Variants in TTN observed in about 807,000 individuals in gnomAD.
TTN encodes the protein titin, also known as connectin.
TTN carries 1,525 observed loss-of-function variants against 3,223.0 expected under a neutral mutation model. The ratio of observed to expected loss-of-function variants is 0.47; its 90% CI spans 0.45 to 0.49. TTN has a LOEUF of 0.49. Among genes scored for constraint, TTN ranks in the 20% least tolerant of loss-of-function variants. The pLI is 0.00. For synonymous variants in TTN, 14,094 were observed against 15,161.0 expected (o/e 0.93, Z 5.17); for missense variants, 40,786 against 43,424.0 (o/e 0.94, Z 5.40).
chr2:178,562,707 T>C lies in TTN; in HGVS notation c.83425A>G (p.Thr27809Ala). The C allele has an allele frequency of 6.3e-7, 1 of 1,596,230 alleles. No individual in the cohort carries two copies. The highest frequency in any genetic ancestry group is 8.5e-7 in the Non-Finnish European group (1 of 1,172,548). ...GTAATGGTAGCATAGGCTTTTCTTG[T>C]AGTTTCTCGTTTTTCGACAATGTAG... Reference protein sequence around the residue: ...TNYIVEKRETTRKAYATITNN... With the variant: ...TNYIVEKRETARKAYATITNN... The change falls in exon 326 of 363, where the codon ACA becomes GCA. Residue 27809 changes from threonine to alanine, a missense_variant. By Grantham distance (58) the Thr-to-Ala change is moderately conservative. Transcript: ENST00000589042.
rs2154263284 is a variant in TTN at position 178,669,443 on chromosome 2, A to C, written c.35475T>G (p.Pro11825=). The C allele has an allele frequency of 1.0e-5, 16 of 1,538,608 alleles. No individual in the cohort carries two copies. Among genetic ancestry groups the C allele is most frequent in the Non-Finnish European group, 1.4e-5 (16 of 1,154,354 alleles). The change falls in exon 159 of 363, where the codon CCT becomes CCG. Residue 11825 remains proline, a synonymous_variant. Transcript: ENST00000589042. ...KKPEVPPAKV[P]GMPKKSVQEE... is the part of the protein sequence containing the mutation. ...CTTGAACACTTTTCTTAGGCATCCC[A>C]GGAACTTTAAAGATATTAGTATATT...
rs267599058 is a variant in TTN, at chr2:178,712,926, C to T, written c.27099G>A (p.Gly9033=). 6.2e-7 allele frequency: 1 copy of T among 1,612,906 alleles called. No homozygotes were observed. The highest frequency in any genetic ancestry group is 8.5e-7 in the Non-Finnish European group (1 of 1,179,432). The change falls in exon 94 of 363, where the codon GGG becomes GGA. Residue 9033 remains glycine (G), a synonymous_variant. Coordinates refer to ENST00000589042, the MANE Select transcript of TTN (RefSeq NM_001267550.2). The stretch of plus-strand genomic sequence containing the variant: ...CGATACTTGTGAAAGTTACATTGGT[C>T]CCAGTTAAAACATCCATGGGATCAG... ...QKPDPMDVLT[G]TNVTFTSIVK... is the part of the protein sequence containing the mutation.
chr2:178,529,729 T>C (rs538760141), intron 359 of TTN, among the ~76,000 whole-genome samples: 1 of 152,380 alleles, frequency 6.6e-6, no homozygotes, highest in East Asian at 1.9e-4. Context: ...TGGAATCTTA[T>C]ATAATACCAC....
intron 106 of TTN, 49 bp downstream of exon 106, chr2:178,704,098 G>A: frequency 6.3e-7 from 1 of 1,586,618 alleles, no homozygotes; most frequent in Non-Finnish European, 8.6e-7. Context: ...CACAACATTT[G>A]CCATTGACCT....
Position 178,531,909 on chromosome 2 carries a change from A to C in TTN, c.104706T>G (p.Ser34902=). The change falls in exon 358 of 363, where the codon TCT becomes TCG. Residue 34902 remains serine (S), a synonymous_variant. Transcript: ENST00000589042. The part of the protein sequence containing the change: ...SERSLSRFER[S]ARFDIFSRYE... Reference sequence around the variant, plus strand: ...ACCTGGAAAAGATATCAAATCTTGCAGACCTCTCAAATCTCGAGAGTGATC... The same window carrying C: ...ACCTGGAAAAGATATCAAATCTTGCCGACCTCTCAAATCTCGAGAGTGATC... 10 of 1,612,814 alleles carry C rather than the reference A, an allele frequency of 6.2e-6. No individual in the cohort carries two copies. Among genetic ancestry groups the C allele is most frequent in the African/African-American group, 1.3e-5 (1 of 75,046 alleles).
chr2:178,682,147 T>C (rs983768650), intron 135 of TTN, among the ~76,000 whole-genome samples: 2 of 152,010 alleles, frequency 1.3e-5, no homozygotes, highest in African/African-American at 4.8e-5. Flanking sequence ...AAATAAACAA[T>C]TTGAAGCCCA....
At chr2:178,669,255 G>A in intron 159 of TTN, 118 bp downstream of exon 159, 2 of 736,730 alleles carry the variant, frequency 2.7e-6, no homozygotes, top group South Asian at 1.9e-5. Flanking sequence ...TATATTTGTG[G>A]CATGTTAGGC....
intron 15 of TTN, 113 bp from the exon 16 acceptor site, chr2:178,784,464 T>A: frequency 8.0e-7 from 1 of 1,252,556 alleles, no homozygotes; most frequent in Non-Finnish European, 1.1e-6. Context: ...AATGTTCTCA[T>A]TAGCACTCAT....
chr2:178,622,944 A>G (rs1337848702), intron 242 of TTN, among the ~76,000 whole-genome samples, 177 bp from the exon 243 acceptor site: 1 of 151,876 alleles, frequency 6.6e-6, no homozygotes, highest in Non-Finnish European at 1.5e-5. Context: ...TGCTTTTTAG[A>G]TATCTCTTTA....
At chr2:178,703,714 CAT>C (rs2075382814) in intron 106 of TTN, among the ~76,000 whole-genome samples, 1 of 152,294 alleles carries the variant, frequency 6.6e-6, no homozygotes, top group South Asian at 2.1e-4. Flanking sequence ...GCTAATTGCA[CAT>C]GACATGTTTA....
chr2:178,579,554 G>T lies in TTN; in HGVS notation c.67636+7C>A. ...GGAAAAATGAAGATGTGTGCATAGA[G>T]CCTTACCAACATCATCCCTTGCCAC... On this transcript the variant is annotated splice_region_variant and intron_variant, in intron 319 of 362. Transcript: ENST00000589042. The T allele has an allele frequency of 6.2e-7, 1 of 1,612,826 alleles. No individual in the cohort carries two copies. The highest frequency in any genetic ancestry group is 8.5e-7 in the Non-Finnish European group (1 of 1,179,434).
intron 99 of TTN, among the ~76,000 whole-genome samples, chr2:178,708,309 A>G (rs765840702): frequency 3.9e-5 from 6 of 152,216 alleles, no homozygotes; most frequent in Non-Finnish European, 4.4e-5. Context: ...GTTCATCTTT[A>G]GCTATTAAAT....
At position 178,651,550 on chromosome 2, in the gene TTN, T is replaced by C; in HGVS notation, c.39464-14A>G. 4 of 1,612,556 alleles carry C rather than the reference T, an allele frequency of 2.5e-6. No individual in the cohort carries two copies. The highest frequency in any genetic ancestry group is 3.4e-6 in the Non-Finnish European group (4 of 1,179,348). On this transcript the variant is annotated splice_polypyrimidine_tract_variant and intron_variant, in intron 206 of 362. Transcript: ENST00000589042. The stretch of plus-strand genomic sequence containing the variant: ...GCACCTCGGGCACTATAAAAGATAT[T>C]AGTAGTTGTTTAAGCTCATGGTTTC...
rs1178126114 is a variant in TTN at position 178,599,193 on chromosome 2, A to G, written c.56600T>C (p.Ile18867Thr). The G allele has an allele frequency of 6.6e-7, 1 of 1,513,136 alleles. No individual in the cohort carries two copies. Among genetic ancestry groups the G allele is most frequent in the East Asian group, 2.3e-5 (1 of 43,384 alleles). The allele number at this position is 1,513,136 out of a possible 1,614,324, so 93.7% of individuals were successfully genotyped here. A position where few individuals can be genotyped will look rare whatever the true frequency, so the allele number is the denominator to read the frequency against. The change falls in exon 290 of 363, where the codon ATT becomes ACT. Residue 18867 changes from isoleucine (I) to threonine (T), a missense_variant. Ile to Thr is a moderately conservative substitution (Grantham distance 89, BLOSUM62 -1). Transcript: ENST00000589042. ...AGGTTCACTGTCAAGAGGTTCTCCA[A>G]TGCCATATTTATTCTGGGCCATGAT... ...FRIMAQNKYGIGEPLDSEPET... is the reference protein window; with the variant it reads ...FRIMAQNKYGTGEPLDSEPET...
chr2:178,630,148 T>G, intron 239 of TTN, 93 bp downstream of exon 239: 2 of 1,551,882 alleles, frequency 1.3e-6, no homozygotes, highest in South Asian at 2.3e-5. Flanking sequence ...AATAATATTT[T>G]CTAACTAATA....
chr2:178,769,070 G>T, intron 37 of TTN, 137 bp from the exon 38 acceptor site: 1 of 982,760 alleles, frequency 1.0e-6, no homozygotes, highest in Non-Finnish European at 1.5e-6. Flanking sequence ...TATAAGCTTT[G>T]ATACCTTCCA....
chr2:178,582,940 C>T lies in TTN; in HGVS notation c.65863G>A (p.Asp21955Asn), dbSNP rs1428859947. 3 of 1,499,176 alleles carry T rather than the reference C, an allele frequency of 2.0e-6. No individual in the cohort carries two copies. The highest frequency in any genetic ancestry group is 2.7e-6 in the Non-Finnish European group (3 of 1,123,354). The allele number at this position is 1,499,176 out of a possible 1,614,324, so 92.9% of individuals were successfully genotyped here. A position where few individuals can be genotyped will look rare whatever the true frequency, so the allele number is the denominator to read the frequency against. Residue 21955 changes from aspartate (D) to asparagine (N), a missense_variant and splice_region_variant, in exon 313 of 363, where the codon GAT becomes AAT. Transcript: ENST00000589042. The part of the protein sequence containing the change: ...KSATIKLKVL[D>N]KPGPPASVKI... ...GATTCCAATGAAGTTTATTAGTTAC[C>T]TAACACTTTAAGCTTAATGGTGGCT...
Position 178,566,689 on chromosome 2 carries a change from G to A in TTN, c.79443C>T (p.Ala26481=), listed in dbSNP as rs1280023882. 3.1e-6 allele frequency: 5 copies of A among 1,613,176 alleles called. No individual in the cohort carries two copies. The highest frequency in any genetic ancestry group is 4.2e-6 in the Non-Finnish European group (5 of 1,179,676). Residue 26481 remains alanine, a synonymous_variant, in exon 326 of 363, where the codon GCC becomes GCT. Transcript: ENST00000589042. ...EPSPATVYYK[A]CDPVFKPGPP... Reference sequence around the variant, plus strand: ...GGCCAGGTTTGAACACAGGATCACAGGCTTTATAATAAACTGTAGCTGGAC... The same window carrying A: ...GGCCAGGTTTGAACACAGGATCACAAGCTTTATAATAAACTGTAGCTGGAC...
Position 178,528,333 on chromosome 2 carries a change from G to T in TTN, c.107318C>A (p.Thr35773Lys). The T allele has an allele frequency of 1.2e-6, 2 of 1,613,956 alleles. No homozygotes were observed. Among genetic ancestry groups the T allele is most frequent in the Non-Finnish European group, 1.7e-6 (2 of 1,179,848 alleles). The change falls in exon 361 of 363, where the codon ACA (threonine) becomes AAA (lysine). Residue 35773 changes from threonine (T) to lysine (K), a missense_variant. Coordinates refer to ENST00000589042, the MANE Select transcript of TTN (RefSeq NM_001267550.2). ...NASVSDSGKY[T>K]IKAKNFRGQC... ...GCCACGGAAATTTTTGGCCTTAATT[G>T]TGTACTTTCCACTGTCGCTGACTGA...
Sources: allele counts gnomAD v4.1 joint callset (sites outside exome capture counted in the v4.1 genomes callset), GRCh38; gene constraint gnomAD v4.1.1; transcripts MANE v1.5; gene names NCBI Gene and HGNC (gene_info 2026-07-23, HGNC 2026-07-21).